The following FMNL3 variants were observed in gnomAD, a reference collection of about 807,000 sequenced individuals.
FMNL3 encodes formin like 3, also known as formin-like protein 3.
A neutral mutation model predicts 119.6 loss-of-function variants in FMNL3; 57 were observed. The observed-to-expected ratio is 0.48, with a 90% CI of 0.39 to 0.59. The LOEUF is 0.59. Ranked by LOEUF, FMNL3 falls within the 20% of genes least tolerant of loss-of-function variation. The pLI is 0.00. For missense variants in FMNL3, 1,053 were observed against 1,323.5 expected (o/e 0.80, Z 3.17); for synonymous variants, 491 against 507.3 (o/e 0.97, Z 0.43).
chr12:49,643,838 A>T lies in FMNL3; in HGVS notation c.*1977T>A. The T allele has an allele frequency of 1.2e-6, 2 of 1,614,148 alleles. No homozygotes were observed. Among genetic ancestry groups the T allele is most frequent in the Non-Finnish European group, 1.7e-6 (2 of 1,180,002 alleles). Reference sequence around the variant, plus strand: ...CCCAGGCTATCCACAGGAACTGAGGAGGTGGGCTCTGGACTCTTACAGAAT... The same window carrying T: ...CCCAGGCTATCCACAGGAACTGAGGTGGTGGGCTCTGGACTCTTACAGAAT... On this transcript the variant is annotated 3_prime_UTR_variant, in exon 26 of 26. Coordinates refer to ENST00000335154, the MANE Select transcript of FMNL3 (RefSeq NM_175736.5).
rs369534462 is a variant in FMNL3, at chr12:49,648,348, G to A, written c.2521C>T (p.Leu841=). The change falls in exon 22 of 26, where the codon CTG becomes TTG. Residue 841 remains leucine (L), a synonymous_variant. Transcript: ENST00000335154. ...TTCACGTCCAGCAGCACGTTCTCCA[G>A]GGACACTGGTCACCAAAAGCCTGGC... ...HFVEKAAAVS[L]ENVLLDVKEL... 1.9e-6 allele frequency: 3 copies of A among 1,610,648 alleles called. No individual in the cohort carries two copies. Among genetic ancestry groups the A allele is most frequent in the Non-Finnish European group, 2.5e-6 (3 of 1,177,848 alleles).
Position 49,641,852 on chromosome 12 carries a change from C to A in FMNL3, c.*3963G>T. 1 of 1,462,286 alleles carries A rather than the reference C, an allele frequency of 6.8e-7. No individual in the cohort carries two copies. The highest frequency in any genetic ancestry group is 9.5e-7 in the Non-Finnish European group (1 of 1,047,378). The allele number at this position is 1,462,286 out of a possible 1,614,324, so 90.6% of individuals were successfully genotyped here. ...ATCTGTAATGTGACCACTCTGCCTG[C>A]CAGCTTTGGCCTCAGGCACGTGGTG... On this transcript the variant is annotated 3_prime_UTR_variant, in exon 26 of 26. Coordinates refer to ENST00000335154, the MANE Select transcript of FMNL3 (RefSeq NM_175736.5).
chr12:49,688,461 C>T (rs1016775707), intron 1 of FMNL3: 2 of 456,104 alleles, frequency 4.4e-6, no homozygotes, highest in Admixed American at 2.3e-5. Context: ...TATACCTTCT[C>T]GGACTCTCCT....
chr12:49,693,353 G>GT (rs1328750530), intron 1 of FMNL3, among the ~76,000 whole-genome samples: 4 of 151,642 alleles, frequency 2.6e-5, no homozygotes, highest in African/African-American at 9.7e-5. Context: ...GAGAGAGACA[G>GT]TTTTTGTGTT....
intron 5 of FMNL3, among the ~76,000 whole-genome samples, chr12:49,660,581 A>C (rs770331258): frequency 2.6e-5 from 4 of 152,230 alleles, no homozygotes; most frequent in Admixed American, 6.5e-5. Context: ...AACATAGAAG[A>C]AGCATCAAAT....
At position 49,653,814 on chromosome 12, in the gene FMNL3, C is replaced by CGTT; in HGVS notation, c.1129_1131dup (p.Asn377dup). The stretch of plus-strand genomic sequence containing the variant: ...TCCAACAAACCCCCGACATCAAACA[C>CGTT]GTTGTCCAGATATGCCTGAATCTGC... On this transcript the variant is annotated inframe_insertion, in exon 12 of 26. Coordinates refer to ENST00000335154, the MANE Select transcript of FMNL3 (RefSeq NM_175736.5). The CGTT allele has an allele frequency of 6.2e-7, 1 of 1,614,240 alleles. No homozygotes were observed. The highest frequency in any genetic ancestry group is 8.5e-7 in the Non-Finnish European group (1 of 1,180,046).
At chr12:49,672,139 G>C (rs761678262) in intron 1 of FMNL3, among the ~76,000 whole-genome samples, 1 of 152,134 alleles carries the variant, frequency 6.6e-6, no homozygotes, top group Non-Finnish European at 1.5e-5. Flanking sequence ...CTGCCCTCTT[G>C]CTTCTAGGCT....
chr12:49,667,121 C>T (rs1184261307), intron 2 of FMNL3, among the ~76,000 whole-genome samples: 1 of 151,984 alleles, frequency 6.6e-6, no homozygotes, highest in African/African-American at 2.4e-5. Flanking sequence ...TTCATCTGAC[C>T]CAAAAAGAAA....
intron 1 of FMNL3, chr12:49,688,368 TAGA>T (rs943604675): frequency 8.6e-5 from 39 of 455,900 alleles, no homozygotes; most frequent in African/African-American, 7.8e-4. Context: ...AAAGCATACC[TAGA>T]AGTTTCCCTA....
intron 1 of FMNL3, among the ~76,000 whole-genome samples, chr12:49,686,185 GCAGCCTCAATCTCC>G (rs1414220533): frequency 6.6e-6 from 1 of 151,872 alleles, no homozygotes; most frequent in Non-Finnish European, 1.5e-5. Context: ...ATAGCGTACT[GCAGCCTCAATCTCC>G]CAGGCCCAAG....
rs1349626646 is a variant in FMNL3, at chr12:49,649,975, C to T, written c.2001-50G>A. 4.7e-6 allele frequency: 7 copies of T among 1,503,394 alleles called. No individual in the cohort carries two copies. The highest frequency in any genetic ancestry group is 6.4e-6 in the Non-Finnish European group (7 of 1,099,486). The allele number at this position is 1,503,394 out of a possible 1,614,324, so 93.1% of individuals were successfully genotyped here. A position where few individuals can be genotyped will look rare whatever the true frequency, so the allele number is the denominator to read the frequency against. Reference sequence around the variant, plus strand: ...CAGTTCTCACATCTCTCCACGTTTTCCCTCATCCCTTTTATTCTCCAAGCT... The same window carrying T: ...CAGTTCTCACATCTCTCCACGTTTTTCCTCATCCCTTTTATTCTCCAAGCT... On this transcript the variant is annotated intron_variant, in intron 17 of 25. Coordinates refer to ENST00000335154, the MANE Select transcript of FMNL3 (RefSeq NM_175736.5). This position sits in a 1 kb window ranked among gnomAD's most constrained non-coding sequence, Gnocchi z 5.6.
At chr12:49,696,893 G>A (rs1324873712) in intron 1 of FMNL3, among the ~76,000 whole-genome samples, 1 of 152,194 alleles carries the variant, frequency 6.6e-6, no homozygotes, top group East Asian at 1.9e-4. Flanking sequence ...CTGTATCAAG[G>A]AGTTCCTGCA....
Position 49,687,156 on chromosome 12 carries a change from CG to C in FMNL3, c.127-18603del, listed in dbSNP as rs528859474. Reference sequence around the variant, plus strand: ...GTCTCCAGGCTGGAGTGCAGTGGCGCGATCTCGGCTCACTGCACCCTCCGCC... The same window carrying C: ...GTCTCCAGGCTGGAGTGCAGTGGCGCATCTCGGCTCACTGCACCCTCCGCC... On this transcript the variant is annotated intron_variant, in intron 1 of 25. Coordinates refer to ENST00000335154, the MANE Select transcript of FMNL3 (RefSeq NM_175736.5). 2.5e-3 allele frequency among the ~76,000 whole-genome samples: 371 copies of C among 150,292 alleles called. 1 individual carries two copies. The highest frequency in any genetic ancestry group is 8.7e-3 in the African/African-American group (354 of 40,664).
intron 1 of FMNL3, among the ~76,000 whole-genome samples, chr12:49,676,677 C>T (rs1944200098): frequency 6.6e-6 from 1 of 152,086 alleles, no homozygotes; most frequent in African/African-American, 2.4e-5. Flanking sequence ...ACTCCTACCA[C>T]CAAGTCCCTT....
chr12:49,647,321 C>T lies in FMNL3; in HGVS notation c.2826G>A (p.Met942Ile). Residue 942 changes from methionine to isoleucine, a missense_variant, in exon 24 of 26, where the codon ATG becomes ATA. This residue lies in a region of FMNL3 where 324 missense variants were observed against 380.9 expected (regional missense o/e 0.85). Transcript: ENST00000335154. The surrounding 1 kb of genome is among the most constrained non-coding windows in gnomAD (Gnocchi z 4.9). Reference sequence around the variant, plus strand: ...CTTCCTGAGCCAGCTGCTTCTCCCGCATTACCTCCTCCTGCTTCTTGCGGG... The same window carrying T: ...CTTCCTGAGCCAGCTGCTTCTCCCGTATTACCTCCTCCTGCTTCTTGCGGG... ...NEARKKQEEV[M>I]REKQLAQEAK... The T allele has an allele frequency of 6.2e-7, 1 of 1,613,992 alleles. No homozygotes were observed. Among genetic ancestry groups the T allele is most frequent in the South Asian group, 1.1e-5 (1 of 91,084 alleles).
chr12:49,703,484 T>A (rs758975685), intron 1 of FMNL3, among the ~76,000 whole-genome samples: 2 of 152,128 alleles, frequency 1.3e-5, no homozygotes, highest in Non-Finnish European at 2.9e-5. Flanking sequence ...CAAGAAGCAG[T>A]GTAACACAGC....
At chr12:49,667,555 C>T (rs1445890801) in intron 2 of FMNL3, among the ~76,000 whole-genome samples, 2 of 152,200 alleles carry the variant, frequency 1.3e-5, no homozygotes, top group Non-Finnish European at 2.9e-5. Flanking sequence ...TGCCTGAGCT[C>T]AGCCCTGGCT....
At chr12:49,685,960 G>A (rs1283743911) in intron 1 of FMNL3, among the ~76,000 whole-genome samples, 1 of 151,858 alleles carries the variant, frequency 6.6e-6, no homozygotes, top group Non-Finnish European at 1.5e-5. Flanking sequence ...CCAGCTACTC[G>A]GGAGGCTGAG....
Position 49,638,060 on chromosome 12 carries a change from T to C in FMNL3, c.*7755A>G. ...AACTGTTATACAAAGGGGCAAGTGTTATTACAGAGACAGGAATCTGAAGAA... is the reference window on the plus strand; with the variant it reads ...AACTGTTATACAAAGGGGCAAGTGTCATTACAGAGACAGGAATCTGAAGAA... On this transcript the variant is annotated 3_prime_UTR_variant, in exon 26 of 26. Coordinates refer to ENST00000335154, the MANE Select transcript of FMNL3 (RefSeq NM_175736.5). 1 of 503,086 alleles carries C rather than the reference T, an allele frequency of 2.0e-6. No individual in the cohort carries two copies. Among genetic ancestry groups the C allele is most frequent in the Non-Finnish European group, 3.5e-6 (1 of 282,626 alleles). 31.2% of individuals were successfully genotyped at this position (503,086 alleles called of 1,614,324 possible).
Sources: allele counts gnomAD v4.1 joint callset (sites outside exome capture counted in the v4.1 genomes callset), GRCh38; gene constraint gnomAD v4.1.1; regional missense constraint gnomAD v4.1.1; non-coding constraint Gnocchi (gnomAD v3.1); transcripts MANE v1.5; gene names NCBI Gene and HGNC (gene_info 2026-07-23, HGNC 2026-07-21).